The following NDUFAF6 variants were observed in gnomAD, a reference collection of about 807,000 sequenced individuals.
NDUFAF6 encodes the protein NADH dehydrogenase (ubiquinone) complex I, assembly factor 6.
NDUFAF6 carries 45 observed loss-of-function variants against 40.8 expected under a neutral mutation model. The observed-to-expected ratio is 1.10, with a 90% confidence interval of 0.87 to 1.42. NDUFAF6 has a LOEUF of 1.42. NDUFAF6 is among the 40% of genes most tolerant of loss of function. The pLI is 0.00. For synonymous variants in NDUFAF6, 185 were observed against 155.9 expected (o/e 1.19, Z -1.39); for missense variants, 435 against 418.5 (o/e 1.04, Z -0.34).
At chr8:94,904,725 C>G (rs533660031) in intron 1 of NDUFAF6, among the ~76,000 whole-genome samples, 1 of 151,676 alleles carries the variant, frequency 6.6e-6, no homozygotes, top group Non-Finnish European at 1.5e-5. Context: ...TTTCCTGTTT[C>G]TTTCCTAAAG....
chr8:95,005,554 A>ATATATATATATATAAATAT (rs1554657858), intron 2 of NDUFAF6, among the ~76,000 whole-genome samples: 1 of 115,354 alleles, frequency 8.7e-6, no homozygotes, highest in African/African-American at 3.7e-5. Flanking sequence ...TATATATATA[A>ATATATATATATATAAATAT]AAAATATATT....
Position 94,959,071 on chromosome 8 carries a change from G to A in NDUFAF6, c.-199+892G>A, listed in dbSNP as rs572706040. On this transcript the variant is annotated intron_variant, in intron 1 of 9. Coordinates refer to the NDUFAF6 transcript ENST00000396111. The stretch of plus-strand genomic sequence containing the variant: ...TGGCAGAGAAGCTGAAAATGGCTGC[G>A]GGAAAGAGGGGGTGATTGCGGTAGC... Among the ~76,000 whole-genome samples, 22 of 109,998 alleles carry A rather than the reference G, an allele frequency of 2.0e-4. No individual in the cohort carries two copies. The East Asian group carries it at 9.1e-3, about 46-fold the overall frequency. 72.2% of individuals were successfully genotyped at this position (109,998 alleles called of 152,430 possible). A position where few individuals can be genotyped will look rare whatever the true frequency, so the allele number is the denominator to read the frequency against.
At chr8:95,098,113 C>T (rs1809526457), upstream of NDUFAF6, among the ~76,000 whole-genome samples, 1 of 152,142 alleles carries the variant, frequency 6.6e-6, no homozygotes, top group Admixed American at 6.5e-5. Context: ...TTTTGCTTTC[C>T]AAAAGTGAAT....
chr8:95,030,734 T>C (rs996595177), intron 1 of NDUFAF6, among the ~76,000 whole-genome samples: 1 of 152,232 alleles, frequency 6.6e-6, no homozygotes. Flanking sequence ...GAGCCTGTGT[T>C]AGTCTGTTTT....
chr8:95,083,388 G>A lies in NDUFAF6; in HGVS notation n.213+7636G>A, dbSNP rs74797440. Among the ~76,000 whole-genome samples the A allele has an allele frequency of 4.4e-3, 674 of 152,180 alleles. 16 individuals are homozygous for A. The East Asian group carries it at 0.052, about 12-fold the overall frequency. On this transcript the variant is annotated intron_variant and non_coding_transcript_variant, in intron 2 of 5. Transcript: ENST00000523184. ...ATCTAGTTATTTTTGTATCAGGACC[G>A]CATCTGTTTAATTCTTGAGCTCTTT...
chr8:95,114,722 A>G (rs1349882219), intron 4 of NDUFAF6, among the ~76,000 whole-genome samples: 2 of 152,004 alleles, frequency 1.3e-5, no homozygotes, highest in African/African-American at 4.8e-5. Flanking sequence ...CTTTTCCCAT[A>G]TTTTTCTTTC....
intron 1 of NDUFAF6, chr8:94,941,052 C>T: frequency 2.8e-6 from 2 of 706,316 alleles, no homozygotes; most frequent in Non-Finnish European, 4.8e-6. Flanking sequence ...GCACAGGGTG[C>T]TTATTCAACT....
chr8:94,907,598 T>G (rs1308138030), intron 1 of NDUFAF6, among the ~76,000 whole-genome samples: 2 of 152,216 alleles, frequency 1.3e-5, no homozygotes, highest in Non-Finnish European at 2.9e-5. Flanking sequence ...AAGCTGCTAC[T>G]TGTCCAAGCT....
intron 3 of NDUFAF6, chr8:95,040,620 ATTTG>A (rs1830041017): frequency 1.3e-5 from 2 of 152,072 alleles, no homozygotes; most frequent in Non-Finnish European, 2.9e-5. Flanking sequence ...TCCTATATTT[ATTTG>A]TTTATTAATT....
At chr8:94,951,324 G>A (rs575556921) in intron 2 of NDUFAF6, 21 of 152,358 alleles carry the variant, frequency 1.4e-4, no homozygotes. Context: ...ACAGAGGAGA[G>A]ATAAGCCATC....
chr8:94,985,500 TATATATATA>T (rs1563770783), intron 2 of NDUFAF6, among the ~76,000 whole-genome samples: 1 of 8,818 alleles, frequency 1.1e-4, no homozygotes, highest in African/African-American at 4.7e-4. Context: ...TATATATATA[TATATATATA>T]TATATATTTT....
chr8:95,041,745 G>T lies in NDUFAF6; in HGVS notation c.477+119G>T, dbSNP rs1830170769. On this transcript the variant is annotated intron_variant, in intron 4 of 8. Coordinates refer to ENST00000396124, the MANE Select transcript of NDUFAF6 (RefSeq NM_152416.4). ...ATTTTGGAGGAAGGAAACTTTTAGA[G>T]AATTATGCCATTTTATTCATACTTT... is the stretch of plus-strand genomic sequence containing the variant. 8 of 852,802 alleles carry T rather than the reference G, an allele frequency of 9.4e-6. No homozygotes were observed. In the South Asian group the frequency reaches 1.1e-4, roughly 12 times the overall value. 52.8% of individuals were successfully genotyped at this position (852,802 alleles called of 1,614,324 possible). A position where few individuals can be genotyped will look rare whatever the true frequency, so the allele number is the denominator to read the frequency against.
At chr8:95,046,212 C>T (rs1830752266) in intron 5 of NDUFAF6, among the ~76,000 whole-genome samples, 1 of 152,090 alleles carries the variant, frequency 6.6e-6, no homozygotes, top group African/African-American at 2.4e-5. Flanking sequence ...AGGGACGTGC[C>T]ACCACGCCCA....
At chr8:95,063,642 C>T (rs1832626109), downstream of NDUFAF6, among the ~76,000 whole-genome samples, 1 of 152,112 alleles carries the variant, frequency 6.6e-6, no homozygotes, top group Non-Finnish European at 1.5e-5. Context: ...CCTTGGTGTA[C>T]TCTGTTTTCC....
At chr8:94,941,282 A>T (rs1821505731) in intron 1 of NDUFAF6, among the ~76,000 whole-genome samples, 1 of 152,220 alleles carries the variant, frequency 6.6e-6, no homozygotes, top group Non-Finnish European at 1.5e-5. Flanking sequence ...ACTCAAATTC[A>T]ACCTATAAAT....
intron 4 of NDUFAF6, among the ~76,000 whole-genome samples, chr8:95,109,643 C>G (rs1809941265): frequency 6.6e-6 from 1 of 151,916 alleles, no homozygotes; most frequent in Admixed American, 6.6e-5. Context: ...ACCCATATGT[C>G]TGTCCATTTG....
intron 1 of NDUFAF6, among the ~76,000 whole-genome samples, chr8:94,909,453 C>T (rs1818617525): frequency 1.3e-5 from 2 of 148,868 alleles, no homozygotes; most frequent in African/African-American, 2.5e-5. Flanking sequence ...AGTGAAACCC[C>T]GTCTGTACTA....
chr8:95,010,960 CACAG>C (rs1827203058), intron 2 of NDUFAF6, among the ~76,000 whole-genome samples: 1 of 152,238 alleles, frequency 6.6e-6, no homozygotes, highest in Non-Finnish European at 1.5e-5. Flanking sequence ...GAGCCGTGAG[CACAG>C]ATAGTACATT....
chr8:95,009,199 C>CT (rs1385937399), intron 2 of NDUFAF6, among the ~76,000 whole-genome samples: 25 of 144,826 alleles, frequency 1.7e-4, no homozygotes, highest in African/African-American at 6.4e-4. Flanking sequence ...GACCCTATCT[C>CT]TAAAAAAAAA....
Sources: gnomAD v4.1 joint callset for allele counts (sites outside exome capture counted in the v4.1 genomes callset) on GRCh38, gnomAD v4.1.1 for gene constraint, MANE v1.5 for transcripts, NCBI Gene and HGNC (gene_info 2026-07-23, HGNC 2026-07-21) for gene names.